The following TRAK1 variants were observed in gnomAD, a reference collection of about 807,000 sequenced individuals.
The protein encoded by TRAK1 is trafficking kinesin-binding protein 1.
TRAK1 carries 33 observed loss-of-function variants against 92.1 expected under a neutral mutation model. The observed-to-expected ratio is 0.36, with a 90% CI of 0.27 to 0.48. TRAK1 has a LOEUF of 0.48. Among genes scored for constraint, TRAK1 ranks in the 20% least tolerant of loss-of-function variants. The pLI is 0.99. For synonymous variants in TRAK1, 521 were observed against 517.3 expected (o/e 1.01, Z -0.10); for missense variants, 1,123 against 1,257.9 (o/e 0.89, Z 1.62).
chr3:42,110,106 A>G lies in TRAK1; in HGVS notation c.92-15314A>G, dbSNP rs1286854806. Among the ~76,000 whole-genome samples, 114 of 119,276 alleles carry G rather than the reference A, an allele frequency of 9.6e-4. 1 individual carries two copies. Among genetic ancestry groups the G allele is most frequent in the African/African-American group, 2.6e-3 (73 of 28,224 alleles). 78.2% of individuals were successfully genotyped at this position (119,276 alleles called of 152,430 possible). A position where few individuals can be genotyped will look rare whatever the true frequency, so the allele number is the denominator to read the frequency against. On this transcript the variant is annotated intron_variant, in intron 1 of 15. Coordinates refer to ENST00000327628, the MANE Select transcript of TRAK1 (RefSeq NM_001042646.3). ...CCTAGAACTTAAAGTATATATATAT[A>G]TATATATATATATATATATATATAT... is the stretch of plus-strand genomic sequence containing the variant.
intron 14 of TRAK1, among the ~76,000 whole-genome samples, chr3:42,214,022 AAATG>A (rs1709384686): frequency 6.6e-6 from 1 of 152,232 alleles, no homozygotes; most frequent in Non-Finnish European, 1.5e-5. Flanking sequence ...GCAAGTGGAA[AAATG>A]AATGAAGAAT....
chr3:42,157,364 C>T (rs979700910), intron 2 of TRAK1, among the ~76,000 whole-genome samples: 3 of 136,278 alleles, frequency 2.2e-5, no homozygotes, highest in East Asian at 2.3e-4. Flanking sequence ...GAGGCTGAGG[C>T]GGGAAGATCC....
chr3:42,044,105 T>G (rs1222361433), intron 1 of TRAK1, among the ~76,000 whole-genome samples: 1 of 152,214 alleles, frequency 6.6e-6, no homozygotes, highest in Non-Finnish European at 1.5e-5. Context: ...TTAAATCAAT[T>G]TTTCAGTTCT....
At chr3:42,199,074 G>A (rs193049066) in intron 10 of TRAK1, 103 bp from the exon 11 acceptor site, 76 of 1,143,512 alleles carry the variant, frequency 6.6e-5, no homozygotes, top group Non-Finnish European at 9.1e-5. Flanking sequence ...AGCTTCTGAT[G>A]CCTTGGTTTA....
chr3:42,066,877 G>T (rs1162333332), intron 1 of TRAK1, among the ~76,000 whole-genome samples: 2 of 152,268 alleles, frequency 1.3e-5, no homozygotes, highest in Admixed American at 1.3e-4. Context: ...GGGGCTGGGG[G>T]GAGGGATGAT....
intron 2 of TRAK1, among the ~76,000 whole-genome samples, chr3:42,135,946 C>T (rs1697901205): frequency 6.6e-6 from 1 of 152,210 alleles, no homozygotes; most frequent in Non-Finnish European, 1.5e-5. Context: ...TTACCACCTG[C>T]CCGACTTCCA....
At chr3:42,098,294 A>C (rs1021745998) in intron 1 of TRAK1, among the ~76,000 whole-genome samples, 2 of 152,060 alleles carry the variant, frequency 1.3e-5, no homozygotes, top group African/African-American at 4.8e-5. Context: ...TGCAGCATTC[A>C]GTAGAGCTTC....
At chr3:42,064,569 A>T (rs963023309) in intron 1 of TRAK1, among the ~76,000 whole-genome samples, 2 of 152,232 alleles carry the variant, frequency 1.3e-5, no homozygotes, top group African/African-American at 2.4e-5. Context: ...TTGCTTCATT[A>T]TGAACTTATT....
At chr3:42,046,202 C>T (rs1173628392) in intron 1 of TRAK1, among the ~76,000 whole-genome samples, 2 of 152,130 alleles carry the variant, frequency 1.3e-5, no homozygotes, top group African/African-American at 2.4e-5. Context: ...CAGATAAAAA[C>T]TGGAAACTTA....
chr3:42,064,433 A>C (rs1703587601), intron 1 of TRAK1, among the ~76,000 whole-genome samples: 1 of 152,208 alleles, frequency 6.6e-6, no homozygotes, highest in Non-Finnish European at 1.5e-5. Flanking sequence ...AAGATTAAGA[A>C]ATAAAATAAA....
intron 1 of TRAK1, among the ~76,000 whole-genome samples, chr3:42,070,245 AATAATTATTATAATTATAATAATT>A (rs1230295653): frequency 2.8e-5 from 4 of 145,296 alleles, no homozygotes; most frequent in African/African-American, 5.2e-5. Flanking sequence ...TATGAATAAT[AATAATTATTATAATTATAATAATT>A]ATGAATAATA....
intron 14 of TRAK1, chr3:42,217,285 C>T (rs1249856202): frequency 2.1e-5 from 21 of 985,086 alleles, no homozygotes; most frequent in Non-Finnish European, 2.5e-5. Flanking sequence ...TGGTGACATG[C>T]GGAGAGCCCA....
chr3:42,013,789 C>G (rs1701401622), upstream of TRAK1: 2 of 149,756 alleles, frequency 1.3e-5, no homozygotes, highest in South Asian at 3.6e-4. This position sits in a 1 kb window ranked among gnomAD's most constrained non-coding sequence, Gnocchi z 5.1. Context: ...GCGCCTCAAG[C>G]GAGGCGTCCC....
intron 14 of TRAK1, chr3:42,211,633 T>C: frequency 1.0e-6 from 1 of 985,334 alleles, no homozygotes; most frequent in Non-Finnish European, 1.2e-6. Context: ...GTTCTGGAAG[T>C]GCAAAGAAGC....
chr3:42,200,639 G>A (rs766180593), intron 11 of TRAK1, among the ~76,000 whole-genome samples, 179 bp from the exon 12 acceptor site: 9 of 152,046 alleles, frequency 5.9e-5, no homozygotes, highest in African/African-American at 9.7e-5. Context: ...CTCAAATTTC[G>A]CATTGTGAAG....
chr3:42,115,916 C>T (rs1406531619), intron 1 of TRAK1, among the ~76,000 whole-genome samples: 1 of 152,198 alleles, frequency 6.6e-6, no homozygotes, highest in Non-Finnish European at 1.5e-5. Flanking sequence ...GTCTCTGAAC[C>T]TTGCAGGGCC....
At chr3:42,221,029 A>C (rs1710291907) in intron 15 of TRAK1, among the ~76,000 whole-genome samples, 1 of 148,756 alleles carries the variant, frequency 6.7e-6, no homozygotes, top group Non-Finnish European at 1.5e-5. Flanking sequence ...TGGCTGTGTC[A>C]GGGCCGAACA....
chr3:42,129,088 G>A (rs1576504985), intron 2 of TRAK1, among the ~76,000 whole-genome samples: 1 of 152,230 alleles, frequency 6.6e-6, no homozygotes, highest in East Asian at 1.9e-4. Context: ...CCTGAGGAAA[G>A]GGTCTGTGAG....
At chr3:42,193,950 A>G (rs377448743) in intron 9 of TRAK1, 52 bp downstream of exon 9, 14 of 1,544,788 alleles carry the variant, frequency 9.1e-6, no homozygotes, top group African/African-American at 5.5e-5. Flanking sequence ...GCCAAGGTGG[A>G]TTAGCCTTCC....
Sources: allele counts gnomAD v4.1 joint callset (sites outside exome capture counted in the v4.1 genomes callset), GRCh38; gene constraint gnomAD v4.1.1; non-coding constraint Gnocchi (gnomAD v3.1); transcripts MANE v1.5; gene names NCBI Gene and HGNC (gene_info 2026-07-23, HGNC 2026-07-21).